Variants in NALF1 observed in about 807,000 individuals in gnomAD.
NALF1 encodes the protein NALCN channel auxiliary factor 1.
Under a neutral mutation model 48.4 loss-of-function variants are expected in NALF1, and 3 were observed. That is an observed-to-expected ratio of 0.06 (90% CI 0.03 to 0.16). The LOEUF (loss-of-function observed/expected upper bound fraction) is 0.16. NALF1 is among the 10% of genes least tolerant of loss of function. NALF1 has a pLI of 1.00. For synonymous variants in NALF1, 262 were observed against 245.7 expected (o/e 1.07, Z -0.62); for missense variants, 526 against 571.5 (o/e 0.92, Z 0.81).
chr13:107,866,209 T>A lies in NALF1; in HGVS notation c.388A>T (p.Thr130Ser). The A allele has an allele frequency of 1.3e-6, 2 of 1,599,006 alleles. No individual in the cohort carries two copies. The highest frequency in any genetic ancestry group is 1.7e-6 in the Non-Finnish European group (2 of 1,173,416). The change falls in exon 1 of 3, where the codon ACC becomes TCC. Residue 130 changes from threonine (T) to serine (S), a missense_variant. Thr to Ser is a moderately conservative substitution (Grantham distance 58, BLOSUM62 1). Coordinates refer to ENST00000375915, the MANE Select transcript of NALF1 (RefSeq NM_001080396.3). This position sits in a 1 kb window ranked among gnomAD's most constrained non-coding sequence, Gnocchi z 4.4. ...CCGTCTCCCGGGGAGGGGGGCAGGGTGGGGGACGAGGAGGCGGAGAGGAGT... is the reference window on the plus strand; with the variant it reads ...CCGTCTCCCGGGGAGGGGGGCAGGGAGGGGGACGAGGAGGCGGAGAGGAGT... ...HRLLSASSSP[T>S]LPPSPGDGGG...
At chr13:107,809,159 C>G (rs572729772) in intron 1 of NALF1, among the ~76,000 whole-genome samples, 1 of 151,918 alleles carries the variant, frequency 6.6e-6, no homozygotes, top group South Asian at 2.1e-4. Context: ...TTTCACATTT[C>G]TCTTCATTAT....
At chr13:107,408,364 G>A (rs1432799251) in intron 1 of NALF1, among the ~76,000 whole-genome samples, 1 of 151,944 alleles carries the variant, frequency 6.6e-6, no homozygotes, top group East Asian at 1.9e-4. Context: ...CGCGTTGCAT[G>A]CTTGTATCAA....
intron 1 of NALF1, among the ~76,000 whole-genome samples, chr13:107,583,175 A>G (rs1472854248): frequency 6.6e-5 from 10 of 152,116 alleles, no homozygotes; most frequent in Non-Finnish European, 1.3e-4. Flanking sequence ...TAGATAAGAC[A>G]TATAGACATA....
chr13:107,700,828 A>G (rs915911892), intron 1 of NALF1, among the ~76,000 whole-genome samples: 2 of 152,176 alleles, frequency 1.3e-5, no homozygotes, highest in Non-Finnish European at 2.9e-5. Context: ...ACATGGGCAA[A>G]GGACCTGAAC....
rs1007327241 is a variant in NALF1 at position 107,619,211 on chromosome 13, C to T, written c.915+246471G>A. 5.1e-4 allele frequency among the ~76,000 whole-genome samples: 77 copies of T among 152,176 alleles called. 1 individual carries two copies. The highest frequency in any genetic ancestry group is 2.0e-4 in the Admixed American group (3 of 15,278). On this transcript the variant is annotated intron_variant, in intron 1 of 2. Transcript: ENST00000375915. ...AGAATATCACCAATGGATTCTATTC[C>T]AGAGACATGAGGACGTTATGTTTAT...
intron 1 of NALF1, among the ~76,000 whole-genome samples, chr13:107,416,991 G>C (rs1356012767): frequency 2.0e-5 from 3 of 152,182 alleles, no homozygotes; most frequent in Non-Finnish European, 4.4e-5. Context: ...CCATCACACT[G>C]ATGCTCACGG....
chr13:107,494,674 G>A (rs1454105294), intron 1 of NALF1, among the ~76,000 whole-genome samples: 1 of 152,002 alleles, frequency 6.6e-6, no homozygotes, highest in Non-Finnish European at 1.5e-5. Flanking sequence ...TTGTATCAAG[G>A]TGTTATTAGT....
intron 1 of NALF1, among the ~76,000 whole-genome samples, chr13:107,675,093 G>C (rs369333119): frequency 1.3e-5 from 2 of 152,302 alleles, no homozygotes; most frequent in East Asian, 3.9e-4. Context: ...AATTGGGGCT[G>C]GAGAGACATT....
At chr13:107,454,980 T>G (rs570059024) in intron 1 of NALF1, among the ~76,000 whole-genome samples, 1 of 152,178 alleles carries the variant, frequency 6.6e-6, no homozygotes, top group Non-Finnish European at 1.5e-5. Context: ...CCCACCCACA[T>G]TTCATCTCAA....
chr13:107,180,865 A>G (rs922780981), intron 2 of NALF1, among the ~76,000 whole-genome samples: 1 of 151,790 alleles, frequency 6.6e-6, no homozygotes, highest in Non-Finnish European at 1.5e-5. Flanking sequence ...TTTATAAAGC[A>G]TTGTGGATAA....
chr13:107,606,568 G>C (rs1879077303), intron 1 of NALF1, among the ~76,000 whole-genome samples: 1 of 151,984 alleles, frequency 6.6e-6, no homozygotes. Context: ...GTTTCACCAT[G>C]TTGGCCAGGC....
chr13:107,663,879 T>C (rs1267085467), intron 1 of NALF1, among the ~76,000 whole-genome samples: 2 of 152,186 alleles, frequency 1.3e-5, no homozygotes, highest in Non-Finnish European at 2.9e-5. Context: ...GCTCATTCTC[T>C]GTTACTTATT....
chr13:107,610,731 T>C lies in NALF1; in HGVS notation c.915+254951A>G, dbSNP rs148863168. ...ATGAAACAGAATGGTCTCTGGAAAG[T>C]AGAAAATGGGTTCATGAGCCTATGC... On this transcript the variant is annotated intron_variant, in intron 1 of 2. Transcript: ENST00000375915. Among the ~76,000 whole-genome samples the C allele has an allele frequency of 3.2e-3, 489 of 152,298 alleles. 3 individuals are homozygous for C. The highest frequency in any genetic ancestry group is 0.011 in the African/African-American group (473 of 41,564).
intron 1 of NALF1, chr13:107,466,557 G>A (rs1455430303): frequency 6.6e-6 from 1 of 152,150 alleles, no homozygotes; most frequent in African/African-American, 2.4e-5. Context: ...ACAGGGTCTG[G>A]AGCAAATGAG....
intron 1 of NALF1, among the ~76,000 whole-genome samples, chr13:107,645,583 T>C (rs531369070): frequency 6.6e-6 from 1 of 151,966 alleles, no homozygotes; most frequent in South Asian, 2.1e-4. Context: ...TTGTCCTGTT[T>C]TGACAACAGA....
At chr13:107,699,625 T>C (rs530192842) in intron 1 of NALF1, among the ~76,000 whole-genome samples, 1 of 152,108 alleles carries the variant, frequency 6.6e-6, no homozygotes, top group Non-Finnish European at 1.5e-5. Flanking sequence ...CAGTTGAAAC[T>C]GGCACTCATT....
chr13:107,766,295 A>G (rs1023213701), intron 1 of NALF1, among the ~76,000 whole-genome samples: 1 of 152,214 alleles, frequency 6.6e-6, no homozygotes, highest in Non-Finnish European at 1.5e-5. Flanking sequence ...TCTAAAGCCA[A>G]CAGGGACTTA....
chr13:107,588,862 C>T (rs1005444123), intron 1 of NALF1, among the ~76,000 whole-genome samples: 1 of 151,996 alleles, frequency 6.6e-6, no homozygotes, highest in Non-Finnish European at 1.5e-5. Context: ...ATGTAAACCT[C>T]GGTAAATGGC....
At chr13:107,209,815 T>C (rs1308392924) in intron 2 of NALF1, among the ~76,000 whole-genome samples, 2 of 152,170 alleles carry the variant, frequency 1.3e-5, no homozygotes, top group African/African-American at 4.8e-5. Flanking sequence ...AGCATTATTG[T>C]TATAGAAGAG....
Sources: gnomAD v4.1 joint callset for allele counts (sites outside exome capture counted in the v4.1 genomes callset) on GRCh38, gnomAD v4.1.1 for gene constraint, Gnocchi (gnomAD v3.1) non-coding constraint, MANE v1.5 for transcripts, NCBI Gene and HGNC (gene_info 2026-07-23, HGNC 2026-07-21) for gene names.